Variants in SAA1 observed in about 807,000 individuals in gnomAD.
SAA1 encodes the protein serum amyloid A-1 protein.
Under a neutral mutation model 9.8 loss-of-function variants are expected in SAA1, and 4 were observed. The ratio of observed to expected loss-of-function variants is 0.41; its 90% CI spans 0.20 to 0.93. The LOEUF is 0.93. Ranked by LOEUF, SAA1 falls within the 40% of genes least tolerant of loss-of-function variation. The pLI, the probability that SAA1 is intolerant of heterozygous loss-of-function variation, is 0.33. For missense variants in SAA1, 114 were observed against 155.5 expected, an observed-to-expected ratio of 0.73 and a Z score of 1.42; for synonymous variants, 47 against 57.7, an observed-to-expected ratio of 0.82 and a Z score of 0.84.
chr11:18,269,793 T>C lies in SAA1; in HGVS notation c.307T>C (p.Trp103Arg), dbSNP rs776323374. 13 of 1,613,942 alleles carry C rather than the reference T, an allele frequency of 8.1e-6. No individual in the cohort carries two copies. In the East Asian group the frequency reaches 2.9e-4, roughly 36 times the overall value. ...DSLADQAANE[W>R]GRSGKDPNHF... ...GCTGGCTGATCAGGCTGCCAATGAA[T>C]GGGGCAGGAGTGGCAAAGACCCCAA... Residue 103 changes from tryptophan to arginine, a missense_variant, in exon 4 of 4, where the codon TGG becomes CGG. Physicochemically the swap from Trp to Arg is moderately radical, Grantham distance 101 (BLOSUM62 -3). This residue lies in a region of SAA1 where 68 missense variants were observed against 54.7 expected (regional missense o/e 1.24). Transcript: ENST00000356524.
chr11:18,266,691 G>T (rs1858039603), intron 1 of SAA1, among the ~76,000 whole-genome samples, 193 bp from the exon 2 acceptor site: 1 of 151,978 alleles, frequency 6.6e-6, no homozygotes, highest in Non-Finnish European at 1.5e-5. Context: ...TATGCAGTCA[G>T]GCTTCAGGGC....
In SAA1 at chr11:18,269,245, A is replaced by T. The variant is rs764147215; in HGVS notation, c.142A>T (p.Ile48Phe). The change falls in exon 3 of 4, where the codon ATC (isoleucine) becomes TTC (phenylalanine). Residue 48 changes from isoleucine (I) to phenylalanine (F), a missense_variant. Physicochemically the swap from Ile to Phe is conservative, Grantham distance 21. This residue lies in a region of SAA1 where 46 missense variants were observed against 100.8 expected (regional missense o/e 0.46). Coordinates refer to ENST00000356524, the MANE Select transcript of SAA1 (RefSeq NM_199161.5). ...AYSDMREANY[I>F]GSDKYFHARG... ...CTCTGACATGAGAGAAGCCAATTAC[A>T]TCGGCTCAGACAAATACTTCCATGC... 5 of 1,603,454 alleles carry T rather than the reference A, an allele frequency of 3.1e-6. No individual in the cohort carries two copies. The African/African-American group carries it at 4.0e-5, about 13-fold the overall frequency.
At position 18,269,753 on chromosome 11, in the gene SAA1, T is replaced by C; in HGVS notation, c.267T>C (p.His89=). 1.2e-6 allele frequency: 2 copies of C among 1,614,040 alleles called. No homozygotes were observed. Among genetic ancestry groups the C allele is most frequent in the South Asian group, 1.1e-5 (1 of 91,080 alleles). ...ARENIQRFFG[H]GAEDSLADQA... ...AGAATATCCAGAGATTCTTTGGCCA[T>C]GGTGCGGAGGACTCGCTGGCTGATC... The change falls in exon 4 of 4, where the codon CAT becomes CAC. Residue 89 remains histidine, a synonymous_variant. Transcript: ENST00000356524.
At position 18,269,821 on chromosome 11, in the gene SAA1, A is replaced by G; in HGVS notation, c.335A>G (p.His112Arg). Reference protein sequence around the residue: ...EWGRSGKDPNHFRPAGLPEKY With the variant: ...EWGRSGKDPNRFRPAGLPEKY The stretch of plus-strand genomic sequence containing the variant: ...GGCAGGAGTGGCAAAGACCCCAATC[A>G]CTTCCGACCTGCTGGCCTGCCTGAG... Residue 112 changes from histidine to arginine, a missense_variant, in exon 4 of 4, where the codon CAC becomes CGC. By Grantham distance (29) the His-to-Arg change is conservative. Around this residue, in one of 2 missense-constraint regions of SAA1, gnomAD observed 68 missense variants for 54.7 expected, o/e 1.24. Transcript: ENST00000356524. 1.9e-6 allele frequency: 3 copies of G among 1,614,170 alleles called. No individual in the cohort carries two copies. The highest frequency in any genetic ancestry group is 2.5e-6 in the Non-Finnish European group (3 of 1,180,020).
intron 2 of SAA1, among the ~76,000 whole-genome samples, chr11:18,268,039 TGG>T (rs1267088367): frequency 8.0e-4 from 121 of 151,980 alleles, no homozygotes; most frequent in Non-Finnish European, 2.5e-4. Flanking sequence ...GAAACTGGCC[TGG>T]GGTGTGGCCT....
Position 18,269,770 on chromosome 11 carries a change from T to C in SAA1, c.284T>C (p.Leu95Pro). 1 of 1,614,094 alleles carries C rather than the reference T, an allele frequency of 6.2e-7. No homozygotes were observed. The highest frequency in any genetic ancestry group is 1.1e-5 in the South Asian group (1 of 91,088). The change falls in exon 4 of 4, where the codon CTG becomes CCG. Residue 95 changes from leucine (L) to proline (P), a missense_variant. Coordinates refer to ENST00000356524, the MANE Select transcript of SAA1 (RefSeq NM_199161.5). Reference protein sequence around the residue: ...RFFGHGAEDSLADQAANEWGR... With the variant: ...RFFGHGAEDSPADQAANEWGR... ...TTTGGCCATGGTGCGGAGGACTCGCTGGCTGATCAGGCTGCCAATGAATGG... is the reference window on the plus strand; with the variant it reads ...TTTGGCCATGGTGCGGAGGACTCGCCGGCTGATCAGGCTGCCAATGAATGG...
chr11:18,269,777 T>A lies in SAA1; in HGVS notation c.291T>A (p.Asp97Glu). Reference sequence around the variant, plus strand: ...ATGGTGCGGAGGACTCGCTGGCTGATCAGGCTGCCAATGAATGGGGCAGGA... The same window carrying A: ...ATGGTGCGGAGGACTCGCTGGCTGAACAGGCTGCCAATGAATGGGGCAGGA... ...FGHGAEDSLA[D>E]QAANEWGRSG... The change falls in exon 4 of 4, where the codon GAT becomes GAA. Residue 97 changes from aspartate (D) to glutamate (E), a missense_variant. Transcript: ENST00000356524. The A allele has an allele frequency of 6.2e-7, 1 of 1,614,100 alleles. No homozygotes were observed. Among genetic ancestry groups the A allele is most frequent in the Non-Finnish European group, 8.5e-7 (1 of 1,179,964 alleles).
chr11:18,269,747 T>A lies in SAA1; in HGVS notation c.261T>A (p.Phe87Leu), dbSNP rs573855702. The A allele has an allele frequency of 2.4e-4, 385 of 1,614,028 alleles. No individual in the cohort carries two copies. The African/African-American group carries it at 3.8e-3, about 16-fold the overall frequency. ...CCAGAGAGAATATCCAGAGATTCTT[T>A]GGCCATGGTGCGGAGGACTCGCTGG... ...TDARENIQRF[F>L]GHGAEDSLAD... Residue 87 changes from phenylalanine to leucine, a missense_variant, in exon 4 of 4, where the codon TTT becomes TTA. By Grantham distance (22) the Phe-to-Leu change is conservative (BLOSUM62 0). Around this residue, in one of 2 missense-constraint regions of SAA1, gnomAD observed 68 missense variants for 54.7 expected, o/e 1.24. Coordinates refer to ENST00000356524, the MANE Select transcript of SAA1 (RefSeq NM_199161.5).
chr11:18,269,836 G>T lies in SAA1; in HGVS notation c.350G>T (p.Gly117Val). The stretch of plus-strand genomic sequence containing the variant: ...GACCCCAATCACTTCCGACCTGCTG[G>T]CCTGCCTGAGAAATACTGAGCTTCC... ...GKDPNHFRPAGLPEKY is the reference protein window; with the variant it reads ...GKDPNHFRPAVLPEKY The change falls in exon 4 of 4, where the codon GGC becomes GTC. Residue 117 changes from glycine (G) to valine (V), a missense_variant. Coordinates refer to ENST00000356524, the MANE Select transcript of SAA1 (RefSeq NM_199161.5). 5 of 1,614,184 alleles carry T rather than the reference G, an allele frequency of 3.1e-6. No individual in the cohort carries two copies. The highest frequency in any genetic ancestry group is 4.2e-6 in the Non-Finnish European group (5 of 1,180,026).
At chr11:18,269,110 T>C in intron 2 of SAA1, 85 bp from the exon 3 acceptor site, 7 of 1,606,446 alleles carry the variant, frequency 4.4e-6, no homozygotes, top group Admixed American at 1.7e-5. Flanking sequence ...CAGTGGAAGA[T>C]TTGTCCTTCC....
intron 1 of SAA1, 43 bp downstream of exon 1, chr11:18,266,339 T>G (rs1858029993): frequency 6.5e-6 from 1 of 153,076 alleles, no homozygotes; most frequent in Admixed American, 6.4e-5. Context: ...CTTACTCTGT[T>G]TTCTCTTTCC....
chr11:18,267,531 A>G (rs1180064700), intron 2 of SAA1, among the ~76,000 whole-genome samples: 2 of 124,578 alleles, frequency 1.6e-5, no homozygotes, highest in African/African-American at 6.0e-5. Flanking sequence ...GCATAGGAGT[A>G]TGACTAAGGC....
Position 18,266,951 on chromosome 11 carries a change from T to A in SAA1, c.64T>A (p.Phe22Ile). The A allele has an allele frequency of 6.2e-7, 1 of 1,610,818 alleles. No homozygotes were observed. Among genetic ancestry groups the A allele is most frequent in the East Asian group, 2.2e-5 (1 of 44,812 alleles). Residue 22 changes from phenylalanine (F) to isoleucine (I), a missense_variant, in exon 2 of 4, where the codon TTT becomes ATT. Physicochemically the swap from Phe to Ile is conservative, Grantham distance 21. Around this residue, in one of 2 missense-constraint regions of SAA1, gnomAD observed 46 missense variants for 100.8 expected, o/e 0.46. Transcript: ENST00000356524. Reference protein sequence around the residue: ...LVLGVSSRSFFSFLGEAFDGA... With the variant: ...LVLGVSSRSFISFLGEAFDGA... Reference sequence around the variant, plus strand: ...CCTGGGTGTCAGCAGCCGAAGCTTCTTTTCGTTCCTTGGCGAGGCTTTTGA... The same window carrying A: ...CCTGGGTGTCAGCAGCCGAAGCTTCATTTCGTTCCTTGGCGAGGCTTTTGA...
At chr11:18,268,558 G>A (rs1479865149) in intron 2 of SAA1, among the ~76,000 whole-genome samples, 1 of 151,926 alleles carries the variant, frequency 6.6e-6, no homozygotes, top group African/African-American at 2.4e-5. Context: ...TTAGGTCGGG[G>A]TGCGGTGGCT....
intron 1 of SAA1, chr11:18,266,554 T>C: frequency 3.8e-6 from 1 of 262,200 alleles, no homozygotes; most frequent in Non-Finnish European, 7.5e-6. Flanking sequence ...TTATCCCATG[T>C]TGAGTTCTGT....
rs1282307076 is a variant in SAA1 at position 18,267,962 on chromosome 11, T to C, written c.91+984T>C. ...ACCACCTCCTAGAGGTTGATGGTTA[T>C]GAATCTCAGGCACACCTTGGCATCA... On this transcript the variant is annotated intron_variant, in intron 2 of 3. Coordinates refer to ENST00000356524, the MANE Select transcript of SAA1 (RefSeq NM_199161.5). 2.0e-5 allele frequency among the ~76,000 whole-genome samples: 3 copies of C among 151,826 alleles called. No individual in the cohort carries two copies. The East Asian group carries it at 5.8e-4, about 29-fold the overall frequency.
intron 3 of SAA1, 33 bp from the exon 4 acceptor site, chr11:18,269,684 T>G (rs547665021): frequency 4.8e-5 from 77 of 1,613,030 alleles, no homozygotes; most frequent in Admixed American, 4.2e-4. Flanking sequence ...CTGGCCTGAT[T>G]ATTAATCTCC....
chr11:18,267,910 G>A (rs113345155), intron 2 of SAA1, among the ~76,000 whole-genome samples: 60,831 of 138,278 alleles, frequency 0.44, 13,331 homozygotes, highest in Non-Finnish European at 0.48. Flanking sequence ...TTGAGGTCAG[G>A]GCTCTTGCCA....
intron 2 of SAA1, 93 bp from the exon 3 acceptor site, chr11:18,269,102 G>T (rs948556102): frequency 6.2e-7 from 1 of 1,601,152 alleles, no homozygotes; most frequent in East Asian, 2.2e-5. Context: ...CTTGAAGTCA[G>T]TGGAAGATTT....
Sources: gnomAD v4.1 joint callset for allele counts (sites outside exome capture counted in the v4.1 genomes callset) on GRCh38, gnomAD v4.1.1 for gene constraint, gnomAD v4.1.1 regional missense constraint, MANE v1.5 for transcripts, NCBI Gene and HGNC (gene_info 2026-07-23, HGNC 2026-07-21) for gene names.